The following NEGR1 variants were observed in gnomAD, a reference collection of about 807,000 sequenced individuals.
NEGR1 encodes the protein IgLON family member 4.
Under a neutral mutation model 40.9 loss-of-function variants are expected in NEGR1, and 10 were observed. The observed-to-expected ratio is 0.24, with a 90% CI of 0.15 to 0.42. The LOEUF is 0.42. NEGR1 is among the 10% of genes least tolerant of loss of function. The pLI is 1.00. For synonymous variants in NEGR1, 185 were observed against 166.8 expected, an observed-to-expected ratio of 1.11 and a Z score of -0.84; for missense variants, 352 against 438.9, an observed-to-expected ratio of 0.80 and a Z score of 1.77.
intron 1 of NEGR1, among the ~76,000 whole-genome samples, chr1:72,080,804 G>GA (rs1647965536): frequency 6.6e-6 from 1 of 151,982 alleles, no homozygotes; most frequent in Non-Finnish European, 1.5e-5. Context: ...GACTTTTACA[G>GA]AAAAAAGCTA....
chr1:71,791,649 G>A (rs1453291686), intron 2 of NEGR1, among the ~76,000 whole-genome samples: 1 of 151,980 alleles, frequency 6.6e-6, no homozygotes, highest in African/African-American at 2.4e-5. Flanking sequence ...GGAATCAAAG[G>A]CATGCTCTTG....
At chr1:71,873,213 T>C (rs900218783) in intron 2 of NEGR1, among the ~76,000 whole-genome samples, 4 of 151,398 alleles carry the variant, frequency 2.6e-5, no homozygotes, top group African/African-American at 9.7e-5. Context: ...ATAACATTTA[T>C]ATTTGCAAAG....
chr1:72,063,550 T>C (rs77354608), intron 1 of NEGR1, among the ~76,000 whole-genome samples: 2,285 of 152,060 alleles, frequency 0.015, 54 homozygotes, highest in African/African-American at 0.052. Flanking sequence ...ACAGTGACTT[T>C]AGAATGAGTC....
At chr1:71,455,384 TGTTCAA>T (rs1002518385) in intron 6 of NEGR1, among the ~76,000 whole-genome samples, 4 of 152,196 alleles carry the variant, frequency 2.6e-5, no homozygotes, top group African/African-American at 9.7e-5. Flanking sequence ...TTAAGCAGCT[TGTTCAA>T]GTTCATCCTG....
At chr1:72,182,027 C>T in intron 1 of NEGR1, among the ~76,000 whole-genome samples, 1 of 152,030 alleles carries the variant, frequency 6.6e-6, no homozygotes, top group East Asian at 1.9e-4. Flanking sequence ...GGAATTCATA[C>T]TAATTTAATA....
At chr1:72,157,697 G>A (rs1380250093) in intron 1 of NEGR1, among the ~76,000 whole-genome samples, 1 of 151,920 alleles carries the variant, frequency 6.6e-6, no homozygotes, top group Non-Finnish European at 1.5e-5. Flanking sequence ...AAACCTACTG[G>A]GGCCATACCC....
At chr1:71,780,848 G>C (rs1311845524) in intron 2 of NEGR1, among the ~76,000 whole-genome samples, 1 of 152,136 alleles carries the variant, frequency 6.6e-6, no homozygotes, top group African/African-American at 2.4e-5. Flanking sequence ...TAGGCAATTT[G>C]ACTTACTCCA....
intron 1 of NEGR1, among the ~76,000 whole-genome samples, chr1:72,218,508 A>G (rs1208702220): frequency 6.6e-6 from 1 of 152,118 alleles, no homozygotes; most frequent in East Asian, 1.9e-4. Flanking sequence ...AATAAAAATA[A>G]TGTATCTTTC....
At chr1:71,623,590 ACTT>A (rs1436447685) in intron 4 of NEGR1, among the ~76,000 whole-genome samples, 1 of 149,888 alleles carries the variant, frequency 6.7e-6, no homozygotes, top group African/African-American at 2.5e-5. Context: ...AGTTTTGGAC[ACTT>A]CTATTTATGG....
In NEGR1 at chr1:71,635,114, T is replaced by C. The variant is rs1570132917; in HGVS notation, c.668-23968A>G. 2.0e-5 allele frequency among the ~76,000 whole-genome samples: 3 copies of C among 152,028 alleles called. No individual in the cohort carries two copies. The East Asian group carries it at 5.8e-4, about 29-fold the overall frequency. On this transcript the variant is annotated intron_variant, in intron 4 of 6. Transcript: ENST00000357731. ...AATCTGAGTGGCCAGTTCAGATAGA[T>C]ATCAAGGGGAACACAGGATAATGGA... is the stretch of plus-strand genomic sequence containing the variant.
chr1:72,065,844 A>G (rs1647259537), intron 1 of NEGR1, among the ~76,000 whole-genome samples: 1 of 152,102 alleles, frequency 6.6e-6, no homozygotes, highest in African/African-American at 2.4e-5. Flanking sequence ...TTTTAATTCT[A>G]ATTTTGCCCA....
At chr1:71,900,178 C>T (rs1229144987) in intron 2 of NEGR1, among the ~76,000 whole-genome samples, 7 of 152,068 alleles carry the variant, frequency 4.6e-5, no homozygotes, top group Non-Finnish European at 7.4e-5. Flanking sequence ...ATGATAAATG[C>T]GAGGAGATTA....
intron 1 of NEGR1, among the ~76,000 whole-genome samples, chr1:72,151,989 A>G (rs979154210): frequency 2.6e-5 from 4 of 151,830 alleles, no homozygotes; most frequent in Non-Finnish European, 5.9e-5. Flanking sequence ...AAAATAATAG[A>G]TACAGAATTT....
chr1:71,529,857 A>C (rs576229063), intron 6 of NEGR1, among the ~76,000 whole-genome samples: 2 of 151,138 alleles, frequency 1.3e-5, no homozygotes, highest in African/African-American at 4.8e-5. Flanking sequence ...TTTCATTCTT[A>C]TTATGTACTA....
intron 2 of NEGR1, among the ~76,000 whole-genome samples, chr1:71,840,890 C>A (rs1659212749): frequency 1.3e-5 from 2 of 152,074 alleles, no homozygotes; most frequent in African/African-American, 4.8e-5. Flanking sequence ...AGCTGAAGGC[C>A]AGAATAGAAC....
At chr1:71,716,352 A>G (rs1283100463) in intron 3 of NEGR1, among the ~76,000 whole-genome samples, 1 of 152,122 alleles carries the variant, frequency 6.6e-6, no homozygotes, top group Non-Finnish European at 1.5e-5. Context: ...TATCATGAGC[A>G]TCAAATGTAA....
intron 1 of NEGR1, among the ~76,000 whole-genome samples, chr1:72,034,930 A>C (rs1646889436): frequency 6.6e-6 from 1 of 152,170 alleles, no homozygotes; most frequent in Non-Finnish European, 1.5e-5. Context: ...CTGTACCTGG[A>C]AGCCAGGTAC....
chr1:71,746,504 A>T (rs1039274349), intron 3 of NEGR1, among the ~76,000 whole-genome samples: 1 of 152,068 alleles, frequency 6.6e-6, no homozygotes, highest in Non-Finnish European at 1.5e-5. Context: ...TAAAGTGCCA[A>T]TTATCTTCAA....
intron 3 of NEGR1, among the ~76,000 whole-genome samples, chr1:71,711,327 G>C: frequency 8.7e-6 from 1 of 114,890 alleles, no homozygotes; most frequent in South Asian, 3.0e-4. Context: ...CTGTGCGACA[G>C]AGCGAGATTC....
Sources: gnomAD v4.1 joint callset for allele counts (sites outside exome capture counted in the v4.1 genomes callset) on GRCh38, gnomAD v4.1.1 for gene constraint, MANE v1.5 for transcripts, NCBI Gene and HGNC (gene_info 2026-07-23, HGNC 2026-07-21) for gene names.